DACH2: variants seen among roughly 807,000 people sequenced by gnomAD.
DACH2 encodes dachshund family transcription factor 2.
A neutral mutation model predicts 35.8 loss-of-function variants in DACH2; 17 were observed. The observed-to-expected ratio is 0.48, with a 90% CI of 0.33 to 0.71. The LOEUF (loss-of-function observed/expected upper bound fraction) is 0.71. Ranked by LOEUF, DACH2 falls within the 30% of genes least tolerant of loss-of-function variation. The pLI, the probability that DACH2 is intolerant of heterozygous loss-of-function variation, is 0.02. For missense variants in DACH2, 469 were observed against 472.7 expected (o/e 0.99, Z 0.07); for synonymous variants, 195 against 177.3 (o/e 1.10, Z -0.79).
chrX:86,292,510 G>A (rs2034326074), intron 1 of DACH2, among the ~76,000 whole-genome samples: 1 of 110,724 alleles, frequency 9.0e-6, no homozygotes, highest in African/African-American at 3.3e-5. Context: ...TCCTTTAATT[G>A]TGATGTTAGG....
intron 2 of DACH2, among the ~76,000 whole-genome samples, chrX:86,479,101 T>G (rs976885639): frequency 9.0e-6 from 1 of 110,927 alleles, no homozygotes; most frequent in Non-Finnish European, 1.9e-5. Flanking sequence ...GCAGCTGGAC[T>G]CTCCTCTGAC....
chrX:86,798,271 C>G (rs1197405081), intron 7 of DACH2, among the ~76,000 whole-genome samples: 1 of 111,543 alleles, frequency 9.0e-6, no homozygotes, highest in East Asian at 2.8e-4. Flanking sequence ...TCTGCACAGA[C>G]AAAACACAGT....
At chrX:86,323,057 A>T (rs1212801081) in intron 1 of DACH2, among the ~76,000 whole-genome samples, 1 of 112,632 alleles carries the variant, frequency 8.9e-6, no homozygotes, top group East Asian at 2.8e-4. Context: ...CTTTTGGCAA[A>T]GGGCAGACAA....
rs185964926 is a variant in DACH2, at chrX:86,644,365, G to A, written c.641-6671G>A. 2.8e-3 allele frequency among the ~76,000 whole-genome samples: 316 copies of A among 111,121 alleles called. 2 individuals are homozygous for A. Among genetic ancestry groups the A allele is most frequent in the African/African-American group, 9.8e-3 (301 of 30,589 alleles). On this transcript the variant is annotated intron_variant, in intron 3 of 11. Coordinates refer to ENST00000373125, the MANE Select transcript of DACH2 (RefSeq NM_053281.3). ...AATACCTAGGAATACAGCTAACTAG[G>A]GAGGTGGAAGATCTCTGCAATGAGG...
At chrX:86,158,977 A>G (rs1413219424) in intron 1 of DACH2, among the ~76,000 whole-genome samples, 1 of 111,735 alleles carries the variant, frequency 8.9e-6, no homozygotes, top group Non-Finnish European at 1.9e-5. Context: ...TAAAACATGT[A>G]TTTCCACTTA....
chrX:86,732,963 A>T (rs959799372), intron 6 of DACH2, among the ~76,000 whole-genome samples: 2 of 111,404 alleles, frequency 1.8e-5, no homozygotes, highest in African/African-American at 6.5e-5. Context: ...AGTTGCCTTG[A>T]TTTGATACCC....
At chrX:86,161,018 C>A in intron 1 of DACH2, 1 of 976,090 alleles carries the variant, frequency 1.0e-6, no homozygotes. Flanking sequence ...CTTTCCATCC[C>A]TTGAACGAAG....
chrX:86,293,486 T>C (rs1245502794), intron 1 of DACH2, among the ~76,000 whole-genome samples: 1 of 109,092 alleles, frequency 9.2e-6, no homozygotes, highest in East Asian at 2.9e-4. Flanking sequence ...CTGGTTATTT[T>C]GCTTGTTAGT....
intron 1 of DACH2, among the ~76,000 whole-genome samples, chrX:86,257,719 C>A (rs946348361): frequency 8.9e-6 from 1 of 112,303 alleles, no homozygotes; most frequent in Non-Finnish European, 1.9e-5. Context: ...ACAACTCTTG[C>A]TCTTAATATA....
chrX:86,644,361 C>T (rs2040387930), intron 3 of DACH2, among the ~76,000 whole-genome samples: 1 of 111,129 alleles, frequency 9.0e-6, no homozygotes, highest in Admixed American at 9.6e-5. Context: ...ATACAGCTAA[C>T]TAGGGAGGTG....
At chrX:86,823,686 G>T (rs201197772) in intron 11 of DACH2, among the ~76,000 whole-genome samples, 1 of 111,814 alleles carries the variant, frequency 8.9e-6, no homozygotes, top group Admixed American at 9.5e-5. Context: ...GTGTCGGCTG[G>T]CTGAGAAATA....
intron 2 of DACH2, among the ~76,000 whole-genome samples, chrX:86,379,139 T>C (rs893121625): frequency 1.8e-5 from 2 of 111,495 alleles, no homozygotes; most frequent in East Asian, 5.6e-4. Context: ...TGTTGTTTTA[T>C]TTTAAATTGG....
chrX:86,320,853 G>T (rs1305006796), intron 1 of DACH2, among the ~76,000 whole-genome samples: 1 of 112,198 alleles, frequency 8.9e-6, no homozygotes, highest in African/African-American at 3.2e-5. Flanking sequence ...AGGAAAGCTT[G>T]CTTTAGCTGG....
intron 1 of DACH2, among the ~76,000 whole-genome samples, chrX:86,236,985 A>C (rs1433820602): frequency 8.9e-6 from 1 of 112,703 alleles, no homozygotes; most frequent in Non-Finnish European, 1.9e-5. Flanking sequence ...ACAGAACCAC[A>C]TTGTACAATT....
chrX:86,255,485 T>C (rs1358292206), intron 1 of DACH2, among the ~76,000 whole-genome samples: 1 of 111,843 alleles, frequency 8.9e-6, no homozygotes, highest in African/African-American at 3.3e-5. Flanking sequence ...GTAAAACCTG[T>C]ACAACCCAGC....
chrX:86,158,571 AT>A (rs2030637833), intron 1 of DACH2, among the ~76,000 whole-genome samples: 1 of 109,037 alleles, frequency 9.2e-6, no homozygotes, highest in Non-Finnish European at 1.9e-5. Flanking sequence ...TATTAAGGGT[AT>A]TCTTTGTGGT....
At chrX:86,158,134 G>A (rs772467148) in intron 1 of DACH2, among the ~76,000 whole-genome samples, 7 of 111,341 alleles carry the variant, frequency 6.3e-5, no homozygotes, top group African/African-American at 2.3e-4. Flanking sequence ...TAGTAAATGC[G>A]CAGACACTGA....
intron 4 of DACH2, among the ~76,000 whole-genome samples, chrX:86,659,646 A>G (rs1270380661): frequency 1.8e-5 from 2 of 111,464 alleles, no homozygotes; most frequent in Non-Finnish European, 3.8e-5. Flanking sequence ...TGGTTCCTAC[A>G]TGTTATTCTC....
chrX:86,462,033 CA>C (rs1219840377), intron 2 of DACH2, among the ~76,000 whole-genome samples: 1 of 111,058 alleles, frequency 9.0e-6, no homozygotes, highest in African/African-American at 3.3e-5. Flanking sequence ...ACTTTATGCA[CA>C]AATTAAAGGA....
Sources: gnomAD v4.1 joint callset for allele counts (sites outside exome capture counted in the v4.1 genomes callset) on GRCh38, gnomAD v4.1.1 for gene constraint, MANE v1.5 for transcripts, NCBI Gene and HGNC (gene_info 2026-07-23, HGNC 2026-07-21) for gene names.